The following RGS6 variants were observed in gnomAD, a reference collection of about 807,000 sequenced individuals.
The protein encoded by RGS6 is regulator of G-protein signaling 6.
RGS6 carries 30 observed loss-of-function variants against 78.5 expected under a neutral mutation model. That is an observed-to-expected ratio of 0.38 (90% CI 0.29 to 0.52). The LOEUF (loss-of-function observed/expected upper bound fraction) is 0.52. Among genes scored for constraint, RGS6 ranks in the 20% least tolerant of loss-of-function variants. RGS6 has a pLI of 0.85. For synonymous variants in RGS6, 206 were observed against 206.0 expected (o/e 1.00, Z 0.00); for missense variants, 495 against 609.7 (o/e 0.81, Z 1.98).
intron 4 of RGS6, among the ~76,000 whole-genome samples, chr14:72,454,921 G>C (rs1224939559): frequency 6.6e-6 from 1 of 152,168 alleles, no homozygotes; most frequent in African/African-American, 2.4e-5. Context: ...CTTAAAATTA[G>C]ATTGCCTGAT....
chr14:72,006,019 T>A (rs1237560996), intron 2 of RGS6, among the ~76,000 whole-genome samples: 1 of 152,138 alleles, frequency 6.6e-6, no homozygotes, highest in Non-Finnish European at 1.5e-5. Flanking sequence ...GACTCTATAT[T>A]TGTCCTTGGA....
At chr14:72,540,475 G>C in intron 17 of RGS6, 18 of 1,480,794 alleles carry the variant, frequency 1.2e-5, no homozygotes, top group East Asian at 5.3e-5. Context: ...AATTGGCTCA[G>C]AACCATAGCT....
intron 3 of RGS6, among the ~76,000 whole-genome samples, chr14:72,417,508 C>G (rs1480373612): frequency 1.3e-5 from 2 of 152,058 alleles, no homozygotes; most frequent in Non-Finnish European, 2.9e-5. Context: ...TAGTGGGGAG[C>G]TGGATTTGGA....
intron 3 of RGS6, among the ~76,000 whole-genome samples, chr14:72,439,061 C>G (rs1258609165): frequency 1.3e-5 from 2 of 152,202 alleles, no homozygotes; most frequent in Non-Finnish European, 2.9e-5. Flanking sequence ...TCTTTATTCT[C>G]AATGAATGAA....
At chr14:72,629,476 C>T in the RGS6 span, 4 of 645,842 alleles carry the variant, frequency 6.2e-6, no homozygotes, top group Non-Finnish European at 8.0e-6. Flanking sequence ...GTCTCTGAGC[C>T]CTCAAGGGCT....
intron 2 of RGS6, among the ~76,000 whole-genome samples, chr14:72,027,665 C>T (rs1029092600): frequency 2.0e-5 from 3 of 152,162 alleles, no homozygotes; most frequent in African/African-American, 7.2e-5. Flanking sequence ...AGTCTAGGGT[C>T]AGAGTAGAGT....
At chr14:72,475,524 G>A (rs189604808) in intron 10 of RGS6, among the ~76,000 whole-genome samples, 79 of 152,238 alleles carry the variant, frequency 5.2e-4, no homozygotes, top group South Asian at 8.3e-4. Context: ...GAGGTCGGGA[G>A]TTCAAGACCA....
chr14:72,227,338 C>G (rs2153803872), intron 2 of RGS6, among the ~76,000 whole-genome samples: 1 of 152,288 alleles, frequency 6.6e-6, no homozygotes, highest in Non-Finnish European at 1.5e-5. Flanking sequence ...TGGACTTGAA[C>G]TACTGGGCTC....
chr14:72,143,719 G>T (rs1476118463), intron 2 of RGS6, among the ~76,000 whole-genome samples: 4 of 152,024 alleles, frequency 2.6e-5, no homozygotes, highest in African/African-American at 9.7e-5. Context: ...ACGTCTTTAA[G>T]GTTGAATATC....
At chr14:72,413,704 C>T (rs1330444379) in intron 3 of RGS6, among the ~76,000 whole-genome samples, 2 of 152,132 alleles carry the variant, frequency 1.3e-5, no homozygotes, top group African/African-American at 2.4e-5. Context: ...GTGGCTGGTA[C>T]TGCGGTTGTT....
At chr14:72,578,530 A>G in the RGS6 span, among the ~76,000 whole-genome samples, 1 of 152,222 alleles carries the variant, frequency 6.6e-6, no homozygotes, top group Non-Finnish European at 1.5e-5. Context: ...GCTTAAAAAC[A>G]TCTCAGTGGC....
chr14:72,061,820 G>C lies in RGS6; in HGVS notation c.84+96945G>C, dbSNP rs141601025. ...TCTTTATTTTTTAGTATGTGGGGAC[G>C]ACACATACTCATGGCTAATATTGGT... On this transcript the variant is annotated intron_variant, in intron 2 of 17. Transcript: ENST00000553525. Among the ~76,000 whole-genome samples, 574 of 152,274 alleles carry C rather than the reference G, an allele frequency of 3.8e-3. 1 individual carries two copies. Among genetic ancestry groups the C allele is most frequent in the African/African-American group, 0.014 (561 of 41,550 alleles).
chr14:71,890,082 A>G, the RGS6 span, among the ~76,000 whole-genome samples: 9 of 152,240 alleles, frequency 5.9e-5, no homozygotes, highest in East Asian at 1.7e-3. Context: ...CTTTCTGTAT[A>G]GCCTGCAGAA....
intron 2 of RGS6, among the ~76,000 whole-genome samples, chr14:72,318,063 C>T (rs2070816035): frequency 6.6e-6 from 1 of 152,126 alleles, no homozygotes; most frequent in South Asian, 2.1e-4. Context: ...GCTGCCCCAC[C>T]CCAACACCCC....
chr14:72,461,327 A>C (rs1340554133), intron 6 of RGS6, among the ~76,000 whole-genome samples: 1 of 152,218 alleles, frequency 6.6e-6, no homozygotes, highest in African/African-American at 2.4e-5. Context: ...ACTTCCGTAA[A>C]GCTTAGGGCA....
intron 2 of RGS6, among the ~76,000 whole-genome samples, chr14:71,986,817 A>G (rs1458580200): frequency 6.6e-6 from 1 of 152,194 alleles, no homozygotes; most frequent in Non-Finnish European, 1.5e-5. Flanking sequence ...GGGCTCTAGG[A>G]GAATTCATTT....
At position 72,458,244 on chromosome 14, in the gene RGS6, TTCTC is replaced by T. The variant is rs776253602; in HGVS notation, c.236-21_236-18del. Reference sequence around the variant, plus strand: ...GCCAAATAACCTGCTTTCTAATTCCTTCTCTCTCTATGCACTGTTCTTACAGTTG... The same window carrying T: ...GCCAAATAACCTGCTTTCTAATTCCTTCTCTATGCACTGTTCTTACAGTTG... On this transcript the variant is annotated intron_variant, in intron 4 of 17. Coordinates refer to ENST00000553525, the MANE Select transcript of RGS6 (RefSeq NM_001204424.2). The T allele has an allele frequency of 2.6e-6, 4 of 1,556,274 alleles. No homozygotes were observed. In the East Asian group the frequency reaches 9.0e-5, roughly 35 times the overall value.
the RGS6 span, among the ~76,000 whole-genome samples, chr14:72,611,266 G>A: frequency 0.056 from 8,472 of 152,304 alleles, 294 homozygotes; most frequent in Middle Eastern, 0.12. Context: ...TGACACGTGT[G>A]GAGAAAAGGA....
chr14:71,871,982 T>G, the RGS6 span, among the ~76,000 whole-genome samples: 2 of 135,678 alleles, frequency 1.5e-5, no homozygotes, highest in East Asian at 2.4e-4. Flanking sequence ...GTGGAGGGGG[T>G]GGTGGAGGGG....
Sources: allele counts gnomAD v4.1 joint callset (sites outside exome capture counted in the v4.1 genomes callset), GRCh38; gene constraint gnomAD v4.1.1; transcripts MANE v1.5; gene names NCBI Gene and HGNC (gene_info 2026-07-23, HGNC 2026-07-21).